The following BRINP1 variants were observed in gnomAD, a reference collection of about 807,000 sequenced individuals.
BRINP1 encodes BMP/retinoic acid-inducible neural-specific protein 1.
A neutral mutation model predicts 72.9 loss-of-function variants in BRINP1; 17 were observed. That is an observed-to-expected ratio of 0.23 (90% CI 0.16 to 0.35). The LOEUF (loss-of-function observed/expected upper bound fraction) is 0.35. Ranked by LOEUF, BRINP1 falls within the 10% of genes least tolerant of loss-of-function variation. BRINP1 has a pLI of 1.00. For missense variants in BRINP1, 850 were observed against 1,001.6 expected, an observed-to-expected ratio of 0.85 and a Z score of 2.04; for synonymous variants, 418 against 378.5, an observed-to-expected ratio of 1.10 and a Z score of -1.21.
intron 7 of BRINP1, among the ~76,000 whole-genome samples, chr9:119,170,957 G>A (rs1451124259): frequency 1.0e-3 from 148 of 143,258 alleles, no homozygotes; most frequent in Non-Finnish European, 8.6e-4. Flanking sequence ...CACCAGGCCT[G>A]CCCTAAAAGA....
At chr9:119,345,048 C>A (rs1831436662) in intron 1 of BRINP1, among the ~76,000 whole-genome samples, 1 of 152,170 alleles carries the variant, frequency 6.6e-6, no homozygotes, top group Non-Finnish European at 1.5e-5. Flanking sequence ...AGGTAGCATC[C>A]AGATGGCAGC....
chr9:119,333,229 G>A (rs948026057), intron 1 of BRINP1, among the ~76,000 whole-genome samples: 1 of 151,854 alleles, frequency 6.6e-6, no homozygotes, highest in African/African-American at 2.4e-5. Context: ...AGGAGGCTGA[G>A]GAAGGTGGAT....
At chr9:119,267,363 G>T (rs560483981) in intron 2 of BRINP1, among the ~76,000 whole-genome samples, 1 of 152,038 alleles carries the variant, frequency 6.6e-6, no homozygotes, top group Non-Finnish European at 1.5e-5. Context: ...GACCAGGCAC[G>T]GTGGCTCACA....
chr9:119,361,087 G>A (rs112550411), intron 1 of BRINP1, among the ~76,000 whole-genome samples: 4,583 of 152,044 alleles, frequency 0.03, 206 homozygotes, highest in African/African-American at 0.089. Context: ...TCCTCACCAG[G>A]CTCTCCATTC....
intron 2 of BRINP1, among the ~76,000 whole-genome samples, chr9:119,263,766 T>C (rs1037538186): frequency 2.0e-4 from 31 of 151,930 alleles, no homozygotes; most frequent in Middle Eastern, 3.4e-3. Context: ...CACTACCACG[T>C]CTGGCTAATT....
chr9:119,241,418 C>T (rs1830247782), intron 4 of BRINP1, among the ~76,000 whole-genome samples: 1 of 152,168 alleles, frequency 6.6e-6, no homozygotes. Flanking sequence ...GCTACAACAG[C>T]AGGGTTGAGT....
intron 1 of BRINP1, among the ~76,000 whole-genome samples, chr9:119,327,446 C>T (rs1831251323): frequency 6.6e-6 from 1 of 152,166 alleles, no homozygotes; most frequent in South Asian, 2.1e-4. Flanking sequence ...AATGGATGAA[C>T]TGTACAAATT....
intron 1 of BRINP1, among the ~76,000 whole-genome samples, chr9:119,321,390 T>A (rs961411947): frequency 6.6e-6 from 1 of 152,234 alleles, no homozygotes; most frequent in Non-Finnish European, 1.5e-5. Context: ...TCAAGAGCTT[T>A]CGATGTGGCT....
At chr9:119,336,711 T>C (rs1831348776) in intron 1 of BRINP1, among the ~76,000 whole-genome samples, 2 of 152,086 alleles carry the variant, frequency 1.3e-5, no homozygotes, top group Non-Finnish European at 2.9e-5. Flanking sequence ...AGCAGGTCTG[T>C]AAAGGCACAC....
At chr9:119,182,738 A>T (rs568646479) in intron 7 of BRINP1, among the ~76,000 whole-genome samples, 20 of 152,352 alleles carry the variant, frequency 1.3e-4, no homozygotes, top group African/African-American at 4.6e-4. Flanking sequence ...CATGCTACTT[A>T]TGTGCTCCTC....
chr9:119,346,329 T>C (rs895474345), intron 1 of BRINP1, among the ~76,000 whole-genome samples: 27 of 152,310 alleles, frequency 1.8e-4, no homozygotes, highest in African/African-American at 6.3e-4. Context: ...ATCAGCCTTT[T>C]TGACCCCATG....
chr9:119,280,683 A>T (rs1336245815), intron 2 of BRINP1, among the ~76,000 whole-genome samples: 2 of 152,034 alleles, frequency 1.3e-5, no homozygotes, highest in African/African-American at 4.8e-5. Context: ...TTCATCCTTT[A>T]TTTTGTTTGT....
At chr9:119,266,645 C>T (rs2118944757) in intron 2 of BRINP1, among the ~76,000 whole-genome samples, 1 of 152,270 alleles carries the variant, frequency 6.6e-6, no homozygotes, top group South Asian at 2.1e-4. Context: ...TCCTTTTGAC[C>T]ATCATCTCAT....
intron 1 of BRINP1, among the ~76,000 whole-genome samples, chr9:119,352,484 A>T (rs575612371): frequency 9.2e-5 from 14 of 152,146 alleles, no homozygotes; most frequent in Non-Finnish European, 1.5e-5. Flanking sequence ...CCCAGGCTGG[A>T]GTGCAGTGGT....
chr9:119,216,014 A>G (rs1829972369), intron 5 of BRINP1, among the ~76,000 whole-genome samples: 1 of 152,216 alleles, frequency 6.6e-6, no homozygotes, highest in Admixed American at 6.5e-5. Context: ...ATGCCTACAA[A>G]TTATCTGGAA....
At chr9:119,186,388 C>G (rs1341907171) in intron 7 of BRINP1, among the ~76,000 whole-genome samples, 1 of 152,176 alleles carries the variant, frequency 6.6e-6, no homozygotes, top group African/African-American at 2.4e-5. Context: ...TAACCTGTAC[C>G]TTGGCCCCAG....
intron 3 of BRINP1, among the ~76,000 whole-genome samples, chr9:119,246,830 A>G (rs930765934): frequency 6.6e-6 from 1 of 152,220 alleles, no homozygotes; most frequent in Admixed American, 6.5e-5. Context: ...TGTTCAATCA[A>G]CAATAAATCT....
intron 6 of BRINP1, among the ~76,000 whole-genome samples, chr9:119,212,532 A>G (rs1829939767): frequency 6.6e-6 from 1 of 152,208 alleles, no homozygotes; most frequent in South Asian, 2.1e-4. Flanking sequence ...CCATTTACTA[A>G]CTGTGCAACC....
At chr9:119,264,356 G>T (rs944630436) in intron 2 of BRINP1, among the ~76,000 whole-genome samples, 2 of 152,198 alleles carry the variant, frequency 1.3e-5, no homozygotes, top group African/African-American at 4.8e-5. Context: ...ATTCTACCTT[G>T]ACAACCTTAC....
Sources: gnomAD v4.1 joint callset for allele counts (sites outside exome capture counted in the v4.1 genomes callset) on GRCh38, gnomAD v4.1.1 for gene constraint, MANE v1.5 for transcripts, NCBI Gene and HGNC (gene_info 2026-07-23, HGNC 2026-07-21) for gene names.